Variants in CREB5 observed in about 807,000 individuals in gnomAD.
CREB5 encodes cAMP responsive element binding protein 5, also known as cyclic AMP-responsive element-binding protein 5.
In CREB5, 19 loss-of-function variants were observed where a neutral mutation model predicts 57.1. That is an observed-to-expected ratio of 0.33 (90% CI 0.23 to 0.49). The LOEUF (loss-of-function observed/expected upper bound fraction) is 0.49, where lower values mean the gene tolerates loss of function less well. CREB5 is among the 20% of genes least tolerant of loss of function. CREB5 has a pLI of 0.99. For synonymous variants in CREB5, 238 were observed against 238.3 expected (o/e 1.00, Z 0.01); for missense variants, 579 against 671.6 (o/e 0.86, Z 1.52).
intron 5 of CREB5, among the ~76,000 whole-genome samples, chr7:28,695,320 T>A (rs953042073): frequency 6.6e-6 from 1 of 152,304 alleles, no homozygotes; most frequent in South Asian, 2.1e-4. Flanking sequence ...TCTAAGGCGG[T>A]GAGGAGCACA....
chr7:28,689,909 GGTGTGTGTGTGTGTGTGTGT>G (rs34310030), intron 5 of CREB5, among the ~76,000 whole-genome samples: 19 of 141,670 alleles, frequency 1.3e-4, no homozygotes, highest in Non-Finnish European at 2.6e-4. Context: ...ACTTGTATTT[GGTGTGTGTGTGTGTGTGTGT>G]GTGTGTGTGT....
intron 5 of CREB5, among the ~76,000 whole-genome samples, chr7:28,664,365 A>G (rs1411423001): frequency 1.3e-5 from 2 of 152,210 alleles, no homozygotes; most frequent in Non-Finnish European, 2.9e-5. Context: ...TCCAGTTTCA[A>G]TGCCTTGTAG....
Position 28,744,916 on chromosome 7 carries a change from C to G in CREB5, c.702+20584C>G, listed in dbSNP as rs184304577. Reference sequence around the variant, plus strand: ...TAAAGCCTAACTGTGTTGGGCTGGTCTTTCTCAGGAAGAGACCTCCCTTGA... The same window carrying G: ...TAAAGCCTAACTGTGTTGGGCTGGTGTTTCTCAGGAAGAGACCTCCCTTGA... On this transcript the variant is annotated intron_variant, in intron 7 of 10. Coordinates refer to ENST00000357727, the MANE Select transcript of CREB5 (RefSeq NM_182898.4). Among the ~76,000 whole-genome samples the G allele has an allele frequency of 2.1e-4, 32 of 152,336 alleles. No individual in the cohort carries two copies. The East Asian group carries it at 4.8e-3, about 23-fold the overall frequency.
intron 1 of CREB5, among the ~76,000 whole-genome samples, chr7:28,403,511 C>G (rs2128000083): frequency 6.6e-6 from 1 of 152,200 alleles, no homozygotes; most frequent in South Asian, 2.1e-4. Context: ...TTGCAGTATC[C>G]TAGGAGATAG....
At chr7:28,372,443 CT>C (rs969803796) in intron 1 of CREB5, among the ~76,000 whole-genome samples, 3 of 152,076 alleles carry the variant, frequency 2.0e-5, no homozygotes, top group African/African-American at 2.4e-5. Flanking sequence ...GTGTGTTAGC[CT>C]GGTAAAAAGC....
intron 1 of CREB5, among the ~76,000 whole-genome samples, chr7:28,354,263 G>A (rs566286674): frequency 6.6e-6 from 1 of 152,286 alleles, no homozygotes; most frequent in East Asian, 1.9e-4. Flanking sequence ...TTAACATTGA[G>A]TCAGTGGGCT....
intron 4 of CREB5, among the ~76,000 whole-genome samples, chr7:28,549,678 T>G (rs73301141): frequency 0.089 from 13,600 of 152,236 alleles, 1,376 homozygotes; most frequent in African/African-American, 0.25. Flanking sequence ...TGAGAAATGT[T>G]GTTTATTTCA....
chr7:28,713,888 C>G (rs1802537750), intron 5 of CREB5, among the ~76,000 whole-genome samples: 1 of 152,058 alleles, frequency 6.6e-6, no homozygotes, highest in South Asian at 2.1e-4. Context: ...CTGTTCTCCA[C>G]CAAGTCCTTA....
At chr7:28,694,291 G>A (rs998754582) in intron 5 of CREB5, among the ~76,000 whole-genome samples, 4 of 152,218 alleles carry the variant, frequency 2.6e-5, no homozygotes, top group African/African-American at 9.6e-5. Flanking sequence ...TTGCTCTTGC[G>A]TAGCATTTTC....
At chr7:28,322,939 C>G (rs1785518389) in intron 1 of CREB5, among the ~76,000 whole-genome samples, 1 of 152,238 alleles carries the variant, frequency 6.6e-6, no homozygotes, top group South Asian at 2.1e-4. Flanking sequence ...TTATCCACTC[C>G]TAAGACCATA....
chr7:28,388,244 C>G (rs1787149621), intron 1 of CREB5, among the ~76,000 whole-genome samples: 1 of 152,166 alleles, frequency 6.6e-6, no homozygotes, highest in Admixed American at 6.6e-5. Flanking sequence ...GAGGGACAAG[C>G]CTGTGGTTAT....
chr7:28,410,342 G>A (rs1426309400), upstream of CREB5: 2 of 456,672 alleles, frequency 4.4e-6, no homozygotes, highest in Non-Finnish European at 8.8e-6. Flanking sequence ...GCTCCGGCTC[G>A]AGCTTTGGCG....
At chr7:28,802,244 G>A (rs767586513) in intron 7 of CREB5, among the ~76,000 whole-genome samples, 3 of 152,054 alleles carry the variant, frequency 2.0e-5, no homozygotes, top group Non-Finnish European at 4.4e-5. Context: ...TGTGGCTACC[G>A]AATCGGGATG....
intron 5 of CREB5, among the ~76,000 whole-genome samples, chr7:28,657,167 G>A (rs1562553367): frequency 6.6e-6 from 1 of 152,144 alleles, no homozygotes; most frequent in Non-Finnish European, 1.5e-5. Flanking sequence ...AGGGCCATAA[G>A]TACATGGTGG....
At chr7:28,567,779 T>C (rs905925385) in intron 4 of CREB5, among the ~76,000 whole-genome samples, 1 of 152,104 alleles carries the variant, frequency 6.6e-6, no homozygotes, top group African/African-American at 2.4e-5. Context: ...GGGTAGGAAA[T>C]ATCTAGAATG....
rs547497481 is a variant in CREB5 at position 28,326,965 on chromosome 7, C to T, written c.-25+27524C>T. Among the ~76,000 whole-genome samples, 14 of 151,976 alleles carry T rather than the reference C, an allele frequency of 9.2e-5. No homozygotes were observed. In the East Asian group the frequency reaches 1.5e-3, roughly 17 times the overall value. The stretch of plus-strand genomic sequence containing the variant: ...GAGTTCAAGACCAACCTGGCCAACA[C>T]GGCGAAACCCTGTCTTGAGTAAAAA... On this transcript the variant is annotated intron_variant, in intron 1 of 9. Coordinates refer to the CREB5 transcript ENST00000396299.
chr7:28,780,864 T>G (rs1437338266), intron 7 of CREB5, among the ~76,000 whole-genome samples: 1 of 151,028 alleles, frequency 6.6e-6, no homozygotes, highest in African/African-American at 2.4e-5. Context: ...CTGTTTGCAC[T>G]GTAGTTTTGT....
chr7:28,709,686 T>TAA (rs879727091), intron 5 of CREB5, among the ~76,000 whole-genome samples: 1 of 125,122 alleles, frequency 8.0e-6, no homozygotes. Flanking sequence ...AGGCTTTTAT[T>TAA]AAAAAAAAAA....
In CREB5 at chr7:28,348,646, C is replaced by T. The variant is rs117696339; in HGVS notation, c.-25+49205C>T. ...CAATCTGGCAGCAAAAACGGCTTGCCAACAGCATCCGTCTTTCCATTCACA... is the reference window on the plus strand; with the variant it reads ...CAATCTGGCAGCAAAAACGGCTTGCTAACAGCATCCGTCTTTCCATTCACA... On this transcript the variant is annotated intron_variant, in intron 1 of 9. Transcript: ENST00000396299. Among the ~76,000 whole-genome samples, 32 of 152,262 alleles carry T rather than the reference C, an allele frequency of 2.1e-4. No homozygotes were observed. The East Asian group carries it at 6.2e-3, about 29-fold the overall frequency.
Sources: gnomAD v4.1 joint callset for allele counts (sites outside exome capture counted in the v4.1 genomes callset) on GRCh38, gnomAD v4.1.1 for gene constraint, MANE v1.5 for transcripts, NCBI Gene and HGNC (gene_info 2026-07-23, HGNC 2026-07-21) for gene names.